The following PUM3 variants were observed in gnomAD, a reference collection of about 807,000 sequenced individuals.
PUM3 encodes the protein pumilio homolog 3.
In PUM3, 91 loss-of-function variants were observed where a neutral mutation model predicts 84.0. The ratio of observed to expected loss-of-function variants is 1.08; its 90% confidence interval spans 0.91 to 1.29. The LOEUF is 1.29. Ranked by LOEUF, PUM3 falls within the 50% of genes most tolerant of loss-of-function variation. The pLI is 0.00. For synonymous variants in PUM3, 321 were observed against 266.7 expected, an observed-to-expected ratio of 1.20 and a Z score of -1.98; for missense variants, 1,067 against 767.5, an observed-to-expected ratio of 1.39 and a Z score of -4.61.
In PUM3 at chr9:2,812,303, C is replaced by T. The variant is rs779672606; in HGVS notation, c.1329G>A (p.Leu443=). The T allele has an allele frequency of 6.7e-5, 108 of 1,603,634 alleles. No homozygotes were observed. Among genetic ancestry groups the T allele is most frequent in the Non-Finnish European group, 8.5e-5 (100 of 1,170,700 alleles). Residue 443 remains leucine, a synonymous_variant, in exon 14 of 18, where the codon TTG becomes TTA. Transcript: ENST00000397885. ...VNDKYGRKVL[L]YLLSPRDPAH... is the part of the protein sequence containing the mutation. ...CAGGATCTCTGGGGCTTAGTAAGTACAATAGGACCTTCCTTCCATATTTGT... is the reference window on the plus strand; with the variant it reads ...CAGGATCTCTGGGGCTTAGTAAGTATAATAGGACCTTCCTTCCATATTTGT...
chr9:2,842,870 A>G (rs1423273546), intron 1 of PUM3, among the ~76,000 whole-genome samples: 1 of 152,070 alleles, frequency 6.6e-6, no homozygotes, highest in Non-Finnish European at 1.5e-5. Context: ...TCCCTGCCCT[A>G]TCGTCCTCCA....
chr9:2,817,086 T>C (rs1821485264), intron 13 of PUM3, among the ~76,000 whole-genome samples: 1 of 152,222 alleles, frequency 6.6e-6, no homozygotes, highest in Non-Finnish European at 1.5e-5. Flanking sequence ...CTAAGTGCCT[T>C]AGAGAAACTT....
chr9:2,822,825 AAT>A lies in PUM3; in HGVS notation c.1188+954_1188+955del, dbSNP rs1201830567. On this transcript the variant is annotated intron_variant, in intron 12 of 17. Coordinates refer to ENST00000397885, the MANE Select transcript of PUM3 (RefSeq NM_014878.5). ...GAATATTGAATTATGAATTATAAAA[AAT>A]ATGAGAATTCCATATTTCACTTTAT... is the stretch of plus-strand genomic sequence containing the variant. 1.1e-4 allele frequency among the ~76,000 whole-genome samples: 16 copies of A among 150,426 alleles called. No individual in the cohort carries two copies. The South Asian group carries it at 1.7e-3, about 16-fold the overall frequency.
At chr9:2,833,525 G>A (rs1816041315) in intron 4 of PUM3, 93 bp from the exon 5 acceptor site, 3 of 613,112 alleles carry the variant, frequency 4.9e-6, no homozygotes, top group Non-Finnish European at 8.1e-6. Context: ...TGTTCTCCAA[G>A]TTCAGCATGA....
Position 2,809,958 on chromosome 9 carries a change from T to C in PUM3, c.1723+386A>G, listed in dbSNP as rs1225944503. On this transcript the variant is annotated intron_variant, in intron 16 of 17. Transcript: ENST00000397885. ...CAAACATAGAGATAAATGTCATGCCTTTCTACTGAGGTAATGATACTCAAC... is the reference window on the plus strand; with the variant it reads ...CAAACATAGAGATAAATGTCATGCCCTTCTACTGAGGTAATGATACTCAAC... Among the ~76,000 whole-genome samples the C allele has an allele frequency of 6.6e-5, 10 of 152,102 alleles. No homozygotes were observed. In the East Asian group the frequency reaches 1.9e-3, roughly 29 times the overall value.
chr9:2,816,493 A>G (rs1445597837), intron 13 of PUM3, among the ~76,000 whole-genome samples: 6 of 152,246 alleles, frequency 3.9e-5, no homozygotes, highest in Admixed American at 3.9e-4. Flanking sequence ...AAAATGGTTA[A>G]CATGCTAAAT....
At chr9:2,813,566 A>C (rs1037725305) in intron 13 of PUM3, among the ~76,000 whole-genome samples, 4 of 152,318 alleles carry the variant, frequency 2.6e-5, no homozygotes, top group Non-Finnish European at 4.4e-5. Context: ...TTTCAAAGAA[A>C]ACATAAAACC....
chr9:2,811,038 C>G (rs1821356841), intron 15 of PUM3, among the ~76,000 whole-genome samples: 1 of 152,158 alleles, frequency 6.6e-6, no homozygotes, highest in Admixed American at 6.5e-5. Context: ...TTAATATGGT[C>G]AGGAGCCAGG....
At chr9:2,833,150 G>C (rs1018962888) in intron 5 of PUM3, among the ~76,000 whole-genome samples, 3 of 152,100 alleles carry the variant, frequency 2.0e-5, no homozygotes, top group Non-Finnish European at 2.9e-5. Context: ...TGACTGAAAA[G>C]ACTGATAATC....
rs763818690 is a variant in PUM3 at position 2,828,743 on chromosome 9, C to T, written c.888G>A (p.Glu296=). The T allele has an allele frequency of 3.4e-5, 55 of 1,607,638 alleles. No homozygotes were observed. The highest frequency in any genetic ancestry group is 4.3e-5 in the Non-Finnish European group (50 of 1,174,516). ...TAAGTTCTAATTTTTCTGGCTGTAC[C>T]TCTAACACTTTGTCCAGAGTTCGGT... ...ADHRTLDKVL[E]VQPEKLELIM... is the part of the protein sequence containing the mutation. The change falls in exon 9 of 18, where the codon GAG becomes GAA. Residue 296 remains glutamate (E), a synonymous_variant. Transcript: ENST00000397885.
At chr9:2,832,475 T>C (rs763615676) in intron 5 of PUM3, among the ~76,000 whole-genome samples, 3 of 152,232 alleles carry the variant, frequency 2.0e-5, no homozygotes, top group East Asian at 1.9e-4. Context: ...TCCTAGCCTA[T>C]AGTAAATAAT....
chr9:2,832,414 C>T (rs77215934), intron 5 of PUM3, among the ~76,000 whole-genome samples: 2 of 152,086 alleles, frequency 1.3e-5, no homozygotes, highest in Non-Finnish European at 2.9e-5. Context: ...ATATACAACA[C>T]GGATGATGAC....
At chr9:2,811,739 C>A (rs564524070) in intron 14 of PUM3, among the ~76,000 whole-genome samples, 156 bp from the exon 15 acceptor site, 47 of 150,980 alleles carry the variant, frequency 3.1e-4, no homozygotes, top group Non-Finnish European at 6.5e-4. Flanking sequence ...ATAAGTGATA[C>A]GAGTATGTGT....
chr9:2,829,973 A>C (rs758976296), intron 7 of PUM3, 25 bp from the exon 8 acceptor site: 2 of 1,586,408 alleles, frequency 1.3e-6, no homozygotes, highest in Non-Finnish European at 8.6e-7. Flanking sequence ...ATCATGGAAA[A>C]ATAAATGATA....
At chr9:2,843,971 G>C (rs570803510) in intron 1 of PUM3, 74 bp downstream of exon 1, 1 of 153,700 alleles carries the variant, frequency 6.5e-6, no homozygotes. Flanking sequence ...AGCCCCGAGA[G>C]ACCTTCCCGA....
chr9:2,832,648 AG>A (rs1033926611), intron 5 of PUM3, among the ~76,000 whole-genome samples: 1 of 152,152 alleles, frequency 6.6e-6, no homozygotes, highest in African/African-American at 2.4e-5. Context: ...GTCGGAGCTG[AG>A]GGGGCAGTCC....
chr9:2,829,706 G>C (rs1815919397), intron 8 of PUM3, 68 bp downstream of exon 8: 1 of 1,320,726 alleles, frequency 7.6e-7, no homozygotes, highest in African/African-American at 1.5e-5. Flanking sequence ...GATATATAGG[G>C]CACCGGAAGT....
chr9:2,840,958 A>T (rs1816250767), intron 1 of PUM3, among the ~76,000 whole-genome samples: 1 of 152,258 alleles, frequency 6.6e-6, no homozygotes, highest in African/African-American at 2.4e-5. Flanking sequence ...TTCAGGAAAC[A>T]CATATATGTA....
intron 16 of PUM3, among the ~76,000 whole-genome samples, chr9:2,809,389 C>G (rs960116392): frequency 1.3e-5 from 2 of 152,142 alleles, no homozygotes; most frequent in South Asian, 2.1e-4. Context: ...TATACATCAA[C>G]TTTTTAATAA....
Sources: gnomAD v4.1 joint callset for allele counts (sites outside exome capture counted in the v4.1 genomes callset) on GRCh38, gnomAD v4.1.1 for gene constraint, MANE v1.5 for transcripts, NCBI Gene and HGNC (gene_info 2026-07-23, HGNC 2026-07-21) for gene names.